The following COBL variants were observed in gnomAD, a reference collection of about 807,000 sequenced individuals.
COBL encodes the protein protein cordon-bleu.
COBL carries 51 observed loss-of-function variants against 98.8 expected under a neutral mutation model. The observed-to-expected ratio is 0.52, with a 90% CI of 0.41 to 0.65. The LOEUF (loss-of-function observed/expected upper bound fraction) is 0.65, where lower values mean the gene tolerates loss of function less well. COBL is among the 30% of genes least tolerant of loss of function. COBL has a pLI of 0.00. For missense variants in COBL, 1,617 were observed against 1,617.5 expected (o/e 1.00, Z 0.01); for synonymous variants, 634 against 651.7 (o/e 0.97, Z 0.41).
intron 1 of COBL, among the ~76,000 whole-genome samples, chr7:51,270,596 C>G (rs1167467221): frequency 2.0e-5 from 3 of 152,046 alleles, no homozygotes; most frequent in Non-Finnish European, 2.9e-5. Context: ...CTGGGAGAGA[C>G]AACATAAATT....
In COBL at chr7:51,187,861, C is replaced by CCATGCATAGTGCAGCCT. The variant is rs1789698682; in HGVS notation, c.685+2972_685+2988dup. The CCATGCATAGTGCAGCCT allele has an allele frequency of 5.8e-6, 7 of 1,201,972 alleles. No individual in the cohort carries two copies. In the South Asian group the frequency reaches 3.0e-4, roughly 51 times the overall value. 74.5% of individuals were successfully genotyped at this position (1,201,972 alleles called of 1,614,324 possible). Reference sequence around the variant, plus strand: ...CCTCTGTGCAGCTCTGACCCCAGAGCCATGCATAGTGCAGCCTCACAGCGG... The same window carrying CCATGCATAGTGCAGCCT: ...CCTCTGTGCAGCTCTGACCCCAGAGCCATGCATAGTGCAGCCTCATGCATAGTGCAGCCTCACAGCGG... On this transcript the variant is annotated intron_variant, in intron 4 of 12. Transcript: ENST00000265136.
chr7:51,279,471 C>G (rs1306475790), intron 1 of COBL, among the ~76,000 whole-genome samples: 1 of 152,094 alleles, frequency 6.6e-6, no homozygotes, highest in Non-Finnish European at 1.5e-5. Context: ...CTAAAATAGA[C>G]TTTTTTCTTT....
chr7:51,309,072 T>A (rs1802760867), intron 1 of COBL, among the ~76,000 whole-genome samples: 1 of 152,160 alleles, frequency 6.6e-6, no homozygotes, highest in African/African-American at 2.4e-5. Context: ...AGGAGCCACA[T>A]ACCCATCTGC....
intron 1 of COBL, among the ~76,000 whole-genome samples, chr7:51,315,799 G>C (rs1444132231): frequency 6.6e-6 from 1 of 152,028 alleles, no homozygotes; most frequent in Non-Finnish European, 1.5e-5. Flanking sequence ...CTTTCTGAGA[G>C]TCAAATCCTG....
At chr7:51,142,086 A>C (rs982214181) in intron 5 of COBL, among the ~76,000 whole-genome samples, 6 of 152,192 alleles carry the variant, frequency 3.9e-5, no homozygotes, top group African/African-American at 1.4e-4. Flanking sequence ...ACCATGAAGC[A>C]TGCCAGCTTC....
At chr7:51,027,328 T>C (rs1787674299) in intron 10 of COBL, among the ~76,000 whole-genome samples, 1 of 152,232 alleles carries the variant, frequency 6.6e-6, no homozygotes, top group Non-Finnish European at 1.5e-5. Context: ...CAAATGCATA[T>C]GGGAAAGAAG....
intron 7 of COBL, among the ~76,000 whole-genome samples, chr7:51,061,582 G>A (rs1413092474): frequency 6.6e-6 from 1 of 152,104 alleles, no homozygotes; most frequent in East Asian, 1.9e-4. Flanking sequence ...GGGTGTTCGG[G>A]TACGTGGTGA....
intron 4 of COBL, among the ~76,000 whole-genome samples, chr7:51,190,058 T>C (rs1789945282): frequency 6.6e-6 from 1 of 152,172 alleles, no homozygotes; most frequent in Non-Finnish European, 1.5e-5. Flanking sequence ...AGGCCTAAGG[T>C]GGCCCTAAAG....
At chr7:51,067,589 A>C (rs983253718) in intron 7 of COBL, among the ~76,000 whole-genome samples, 1 of 152,198 alleles carries the variant, frequency 6.6e-6, no homozygotes, top group Non-Finnish European at 1.5e-5. Context: ...ACCACTAGTC[A>C]CACTGTAACA....
intron 4 of COBL, among the ~76,000 whole-genome samples, chr7:51,185,509 A>G (rs1789403171): frequency 6.6e-6 from 1 of 152,204 alleles, no homozygotes; most frequent in Non-Finnish European, 1.5e-5. Flanking sequence ...AGCTCAGCAC[A>G]CTGCTCACTA....
chr7:51,273,048 G>A (rs1798922381), intron 1 of COBL, among the ~76,000 whole-genome samples: 1 of 152,154 alleles, frequency 6.6e-6, no homozygotes, highest in Admixed American at 6.5e-5. Context: ...TTACCTCAAA[G>A]CCAGGCGCAG....
intron 1 of COBL, among the ~76,000 whole-genome samples, chr7:51,243,196 C>T (rs6593339): frequency 0.28 from 42,235 of 152,146 alleles, 7,453 homozygotes; most frequent in East Asian, 0.67. Flanking sequence ...CTATTCTGGA[C>T]GCTATTCCAT....
At chr7:51,161,955 C>G (rs1387720034) in intron 5 of COBL, among the ~76,000 whole-genome samples, 3 of 152,210 alleles carry the variant, frequency 2.0e-5, no homozygotes, top group Non-Finnish European at 4.4e-5. Context: ...ATAATAATTT[C>G]TTTTCCATTT....
intron 1 of COBL, among the ~76,000 whole-genome samples, chr7:51,231,910 C>T (rs961865668): frequency 6.6e-6 from 1 of 152,128 alleles, no homozygotes; most frequent in Non-Finnish European, 1.5e-5. Context: ...GGAAGCAGCA[C>T]CTCGGGGGGA....
intron 1 of COBL, among the ~76,000 whole-genome samples, chr7:51,225,014 T>C (rs1032440768): frequency 6.6e-5 from 10 of 152,114 alleles, no homozygotes; most frequent in African/African-American, 2.2e-4. Flanking sequence ...GTGGACTGTG[T>C]GTGTGGATGG....
chr7:51,201,687 C>T (rs1056074830), intron 2 of COBL, among the ~76,000 whole-genome samples: 3 of 152,096 alleles, frequency 2.0e-5, no homozygotes, highest in Admixed American at 6.5e-5. Flanking sequence ...GTGGAACATT[C>T]TTCAGGGTAT....
Position 51,029,027 on chromosome 7 carries a change from T to C in COBL, c.2069A>G (p.Gln690Arg). 1.9e-6 allele frequency: 3 copies of C among 1,614,210 alleles called. No homozygotes were observed. In the East Asian group the frequency reaches 6.7e-5, roughly 36 times the overall value. ...NAALAPTSWHQRGQNPGKSYR... is the reference protein window; with the variant it reads ...NAALAPTSWHRRGQNPGKSYR... ...GCTTTTCCCTGGGTTTTGGCCTCGT[T>C]GGTGCCATGATGTTGGTGCCAAGGC... The change falls in exon 10 of 13, where the codon CAA becomes CGA. Residue 690 changes from glutamine to arginine, a missense_variant. By Grantham distance (43) the Gln-to-Arg change is conservative. Transcript: ENST00000265136.
At chr7:51,302,771 T>C (rs1802101109) in intron 1 of COBL, among the ~76,000 whole-genome samples, 1 of 152,108 alleles carries the variant, frequency 6.6e-6, no homozygotes, top group South Asian at 2.1e-4. Context: ...CTGGTAATAA[T>C]TGTGCTTTGA....
intron 12 of COBL, 66 bp from the exon 13 acceptor site, chr7:51,017,634 G>A (rs989847118): frequency 1.3e-6 from 2 of 1,536,778 alleles, no homozygotes; most frequent in Non-Finnish European, 1.8e-6. Flanking sequence ...ATCTTCTGGT[G>A]CTAGAGAGCT....
Sources: allele counts gnomAD v4.1 joint callset (sites outside exome capture counted in the v4.1 genomes callset), GRCh38; gene constraint gnomAD v4.1.1; transcripts MANE v1.5; gene names NCBI Gene and HGNC (gene_info 2026-07-23, HGNC 2026-07-21).